Variants in SOCS7 observed in about 807,000 individuals in gnomAD.
SOCS7 encodes suppressor of cytokine signaling 7.
A neutral mutation model predicts 58.9 loss-of-function variants in SOCS7; 18 were observed. The ratio of observed to expected loss-of-function variants is 0.31; its 90% confidence interval spans 0.21 to 0.45. SOCS7 has a LOEUF of 0.45. SOCS7 is among the 20% of genes least tolerant of loss of function. The probability of loss-of-function intolerance (pLI) is 1.00; values close to 1 mark genes in which losing one functional copy is unlikely to be tolerated. For missense variants in SOCS7, 667 were observed against 837.3 expected (o/e 0.80, Z 2.51); for synonymous variants, 388 against 364.3 (o/e 1.06, Z -0.74).
chr17:38,353,967 C>G (rs917570071), intron 1 of SOCS7, among the ~76,000 whole-genome samples: 1 of 152,136 alleles, frequency 6.6e-6, no homozygotes, highest in African/African-American at 2.4e-5. Context: ...TTTGAGAATT[C>G]TAAGTACCAG....
At chr17:38,362,304 T>C (rs990339394) in intron 2 of SOCS7, among the ~76,000 whole-genome samples, 1 of 152,232 alleles carries the variant, frequency 6.6e-6, no homozygotes, top group South Asian at 2.1e-4. Context: ...AAGTCTGCCC[T>C]CTTGCAGCAG....
chr17:38,368,617 T>C (rs1177319457), intron 6 of SOCS7, among the ~76,000 whole-genome samples: 1 of 152,074 alleles, frequency 6.6e-6, no homozygotes, highest in Non-Finnish European at 1.5e-5. Flanking sequence ...TTCTTCTGCC[T>C]CAGCCTCCTA....
At chr17:38,354,684 C>A (rs1172460174) in intron 1 of SOCS7, among the ~76,000 whole-genome samples, 1 of 152,104 alleles carries the variant, frequency 6.6e-6, no homozygotes, top group Non-Finnish European at 1.5e-5. Context: ...CTCCACTTAC[C>A]AGCACAGATG....
rs1159032899 is a variant in SOCS7, at chr17:38,352,421, G to C, written c.369G>C (p.Gln123His). ...GCCCGGCGGCTGGACTAGAGGCGCA[G>C]TTGGCGGCTCTGGGGCTCGGGCAGC... Reference protein sequence around the residue: ...TWGPAAGLEAQLAALGLGQPA... With the variant: ...TWGPAAGLEAHLAALGLGQPA... Residue 123 changes from glutamine (Q) to histidine (H), a missense_variant, in exon 1 of 10, where the codon CAG (glutamine) becomes CAC (histidine). Transcript: ENST00000612932. This position sits in a 1 kb window ranked among gnomAD's most constrained non-coding sequence, Gnocchi z 5.5. The C allele has an allele frequency of 3.7e-5, 54 of 1,450,370 alleles. No homozygotes were observed. Among genetic ancestry groups the C allele is most frequent in the Non-Finnish European group, 4.6e-5 (51 of 1,107,522 alleles). 89.8% of individuals were successfully genotyped at this position (1,450,370 alleles called of 1,614,324 possible). A position where few individuals can be genotyped will look rare whatever the true frequency, so the allele number is the denominator to read the frequency against.
At chr17:38,389,622 G>A (rs2038123945) in intron 7 of SOCS7, among the ~76,000 whole-genome samples, 1 of 150,140 alleles carries the variant, frequency 6.7e-6, no homozygotes, top group Non-Finnish European at 1.5e-5. Context: ...CCATTCTGTG[G>A]GTTGTCTTTT....
At chr17:38,357,173 G>T (rs1555566919) in intron 1 of SOCS7, among the ~76,000 whole-genome samples, 1 of 152,164 alleles carries the variant, frequency 6.6e-6, no homozygotes, top group African/African-American at 2.4e-5. Flanking sequence ...CCCTGCTGTC[G>T]TGGACAGGCC....
rs2038347348 is a variant in SOCS7 at position 38,403,324 on chromosome 17, T to C, written c.*3842T>C. On this transcript the variant is annotated 3_prime_UTR_variant, in exon 10 of 10. Coordinates refer to ENST00000612932, the MANE Select transcript of SOCS7 (RefSeq NM_014598.4). Reference sequence around the variant, plus strand: ...AATTAGGGAGTGGGGGTAATTATAGTTCCTAGGTCTAGGGGTGAGAGGTGG... The same window carrying C: ...AATTAGGGAGTGGGGGTAATTATAGCTCCTAGGTCTAGGGGTGAGAGGTGG... 6.6e-6 allele frequency: 1 copy of C among 152,116 alleles called. No individual in the cohort carries two copies. Among genetic ancestry groups the C allele is most frequent in the African/African-American group, 2.4e-5 (1 of 41,414 alleles). The allele number at this position is 152,116 out of a possible 1,614,324, so 9.4% of individuals were successfully genotyped here. A position where few individuals can be genotyped will look rare whatever the true frequency, so the allele number is the denominator to read the frequency against.
chr17:38,380,630 CAA>C (rs1226167969), intron 7 of SOCS7, among the ~76,000 whole-genome samples: 3 of 122,866 alleles, frequency 2.4e-5, no homozygotes. Flanking sequence ...GACTCTGTCT[CAA>C]AAAAAAAAAA....
chr17:38,365,873 A>G (rs1048122120), intron 4 of SOCS7: 2 of 486,636 alleles, frequency 4.1e-6, no homozygotes, highest in Middle Eastern at 8.8e-4. Context: ...AATGAATGAA[A>G]TCAGCATTCT....
At chr17:38,379,193 A>G (rs918161755) in intron 7 of SOCS7, among the ~76,000 whole-genome samples, 78 of 150,552 alleles carry the variant, frequency 5.2e-4, no homozygotes, top group African/African-American at 1.8e-3. Context: ...AAAAAAAAAA[A>G]CAAGGCAGGG....
At chr17:38,365,218 G>A in intron 3 of SOCS7, 90 bp from the exon 4 acceptor site, 1 of 952,708 alleles carries the variant, frequency 1.0e-6, no homozygotes, top group Non-Finnish European at 1.6e-6. Context: ...CCAGAGGGCA[G>A]CCTGATAGTC....
In SOCS7 at chr17:38,394,608, A is replaced by G. The variant is rs988242277; in HGVS notation, c.1682-701A>G. ...TTCAGGATACTGCTAGATGTGCCCAACAAGTATCTCCCATTCCCAGCAGGG... is the reference window on the plus strand; with the variant it reads ...TTCAGGATACTGCTAGATGTGCCCAGCAAGTATCTCCCATTCCCAGCAGGG... On this transcript the variant is annotated intron_variant, in intron 7 of 9. Transcript: ENST00000612932. Among the ~76,000 whole-genome samples the G allele has an allele frequency of 4.6e-5, 7 of 152,182 alleles. No individual in the cohort carries two copies. The East Asian group carries it at 1.3e-3, about 29-fold the overall frequency.
At chr17:38,396,082 C>A (rs2144405946) in intron 9 of SOCS7, 84 bp downstream of exon 9, 1 of 1,134,862 alleles carries the variant, frequency 8.8e-7, no homozygotes, top group South Asian at 1.7e-5. Flanking sequence ...CCCCTCCCCA[C>A]AACTCCCAAC....
rs1408533431 is a variant in SOCS7, at chr17:38,352,155, G to A, written c.103G>A (p.Gly35Ser). 3.4e-5 allele frequency: 41 copies of A among 1,196,520 alleles called. No individual in the cohort carries two copies. The East Asian group carries it at 1.2e-3, about 36-fold the overall frequency. The allele number at this position is 1,196,520 out of a possible 1,614,324, so 74.1% of individuals were successfully genotyped here. A position where few individuals can be genotyped will look rare whatever the true frequency, so the allele number is the denominator to read the frequency against. ...CTATGGAGAGGCGGCCCCCGAGCCAGGCCCTCCGCCACCGCCCCCGGGCCA... is the reference window on the plus strand; with the variant it reads ...CTATGGAGAGGCGGCCCCCGAGCCAAGCCCTCCGCCACCGCCCCCGGGCCA... ...LGYGEAAPEPGPPPPPPGHGP... is the reference protein window; with the variant it reads ...LGYGEAAPEPSPPPPPPGHGP... The change falls in exon 1 of 10, where the codon GGC becomes AGC. Residue 35 changes from glycine (G) to serine (S), a missense_variant. Around this residue, in one of 9 missense-constraint regions of SOCS7, gnomAD observed 65 missense variants for 51.0 expected, o/e 1.27. Transcript: ENST00000612932. This position sits in a 1 kb window ranked among gnomAD's most constrained non-coding sequence, Gnocchi z 5.5.
intron 5 of SOCS7, 78 bp from the exon 6 acceptor site, chr17:38,367,804 A>T: frequency 7.5e-7 from 1 of 1,330,148 alleles, no homozygotes; most frequent in Non-Finnish European, 1.1e-6. Context: ...GGGTTCTCCC[A>T]TGTTAAGATA....
chr17:38,394,547 G>A (rs1439312265), intron 7 of SOCS7, among the ~76,000 whole-genome samples: 1 of 152,168 alleles, frequency 6.6e-6, no homozygotes, highest in Non-Finnish European at 1.5e-5. Context: ...GGAATTTGGT[G>A]GGGACTCCTC....
At chr17:38,377,470 A>G (rs571311427) in intron 6 of SOCS7, among the ~76,000 whole-genome samples, 6 of 152,212 alleles carry the variant, frequency 3.9e-5, no homozygotes, top group Non-Finnish European at 8.8e-5. Context: ...TCGGATAAGG[A>G]GTACTTAGCT....
chr17:38,369,799 T>G (rs375072305), intron 6 of SOCS7, among the ~76,000 whole-genome samples: 156 of 151,648 alleles, frequency 1.0e-3, no homozygotes, highest in African/African-American at 3.7e-3. Flanking sequence ...TTGTTTGTTT[T>G]TTTTTTTTTG....
At chr17:38,359,739 T>TTA (rs71368481) in intron 1 of SOCS7, among the ~76,000 whole-genome samples, 2,832 of 147,936 alleles carry the variant, frequency 0.019, 68 homozygotes, top group African/African-American at 0.059. Flanking sequence ...TGTTTTACTG[T>TTA]TATATATATA....
Sources: allele counts gnomAD v4.1 joint callset (sites outside exome capture counted in the v4.1 genomes callset), GRCh38; gene constraint gnomAD v4.1.1; regional missense constraint gnomAD v4.1.1; non-coding constraint Gnocchi (gnomAD v3.1); transcripts MANE v1.5; gene names NCBI Gene and HGNC (gene_info 2026-07-23, HGNC 2026-07-21).